NFATC1: variants seen among roughly 807,000 people sequenced by gnomAD.
NFATC1 encodes nuclear factor of activated T-cells, cytoplasmic 1.
In NFATC1, 22 loss-of-function variants were observed where a neutral mutation model predicts 76.0. The observed-to-expected ratio is 0.29, with a 90% CI of 0.21 to 0.41. NFATC1 has a LOEUF of 0.41. Among genes scored for constraint, NFATC1 ranks in the 10% least tolerant of loss-of-function variants. NFATC1 has a pLI of 1.00. For missense variants in NFATC1, 1,357 were observed against 1,337.7 expected, an observed-to-expected ratio of 1.01 and a Z score of -0.23; for synonymous variants, 704 against 613.1, an observed-to-expected ratio of 1.15 and a Z score of -2.19.
chr18:79,409,677 C>T (rs1452795886), intron 1 of NFATC1, among the ~76,000 whole-genome samples: 1 of 152,158 alleles, frequency 6.6e-6, no homozygotes, highest in Non-Finnish European at 1.5e-5. Flanking sequence ...AGTTTCTTTA[C>T]CTGTCTATCC....
intron 9 of NFATC1, among the ~76,000 whole-genome samples, chr18:79,501,782 G>A (rs1408467890): frequency 6.6e-6 from 1 of 152,060 alleles, no homozygotes; most frequent in Admixed American, 6.5e-5. Context: ...GCATTAAAAA[G>A]AATAAAATAT....
chr18:79,449,015 A>C (rs2278801), intron 4 of NFATC1, 31 bp downstream of exon 4: 1 of 1,604,314 alleles, frequency 6.2e-7, no homozygotes, highest in Non-Finnish European at 8.5e-7. Flanking sequence ...GGCCTCTGGC[A>C]GGGGGCGGTA....
intron 9 of NFATC1, chr18:79,497,483 G>A (rs989836023): frequency 1.3e-5 from 2 of 152,216 alleles, no homozygotes. Context: ...GACTGGTCAT[G>A]GAGCTCCTGG....
chr18:79,433,526 C>G, intron 2 of NFATC1, 53 bp from the exon 3 acceptor site: 1 of 1,608,866 alleles, frequency 6.2e-7, no homozygotes, highest in Admixed American at 1.7e-5. Flanking sequence ...CACGTGTGGC[C>G]CGGGCGAGGT....
intron 2 of NFATC1, among the ~76,000 whole-genome samples, chr18:79,427,712 TG>T (rs1160328014): frequency 4.9e-4 from 4 of 8,200 alleles, no homozygotes; most frequent in African/African-American, 2.3e-3. Flanking sequence ...TGGGTGGGGT[TG>T]GGGGGGTGCT....
At chr18:79,456,619 A>ACC (rs35846372) in intron 6 of NFATC1, among the ~76,000 whole-genome samples, 6,258 of 152,212 alleles carry the variant, frequency 0.041, 419 homozygotes, top group African/African-American at 0.14. Flanking sequence ...TGTAAGGCAG[A>ACC]CTAGTGGCAC....
At chr18:79,437,304 C>T (rs1005536694) in intron 3 of NFATC1, among the ~76,000 whole-genome samples, 1 of 152,224 alleles carries the variant, frequency 6.6e-6, no homozygotes, top group Non-Finnish European at 1.5e-5. Flanking sequence ...TTAGGACTCA[C>T]CTTGCCCTGG....
rs922268368 is a variant in NFATC1, at chr18:79,529,179, G to A, written c.*1602G>A. On this transcript the variant is annotated 3_prime_UTR_variant, in exon 10 of 10. Coordinates refer to ENST00000427363, the MANE Select transcript of NFATC1 (RefSeq NM_001278669.2). ...AGACGTGTGGCCGCGTCCCACCTGC[G>A]GCTGGGTACCCTGCACCCGGCACTG... is the stretch of plus-strand genomic sequence containing the variant. 6.6e-6 allele frequency: 1 copy of A among 152,234 alleles called. No individual in the cohort carries two copies. Among genetic ancestry groups the A allele is most frequent in the East Asian group, 1.9e-4 (1 of 5,202 alleles). The allele number at this position is 152,234 out of a possible 1,614,324, so 9.4% of individuals were successfully genotyped here.
chr18:79,442,375 G>A (rs1248135342), intron 3 of NFATC1, among the ~76,000 whole-genome samples: 1 of 152,250 alleles, frequency 6.6e-6, no homozygotes, highest in African/African-American at 2.4e-5. Context: ...GACAGCGCAC[G>A]TGCCATTCAC....
chr18:79,457,920 G>A (rs532877607), intron 6 of NFATC1, among the ~76,000 whole-genome samples: 6 of 152,200 alleles, frequency 3.9e-5, no homozygotes, highest in Admixed American at 2.6e-4. Flanking sequence ...GGCACAGGTC[G>A]GGACGTGGGG....
At position 79,463,781 on chromosome 18, in the gene NFATC1, C is replaced by T. The variant is rs181955906; in HGVS notation, c.1959+2415C>T. Among the ~76,000 whole-genome samples, 161 of 152,356 alleles carry T rather than the reference C, an allele frequency of 1.1e-3. 2 individuals carry two copies. The highest frequency in any genetic ancestry group is 0.011 in the Admixed American group (161 of 15,306). On this transcript the variant is annotated intron_variant, in intron 7 of 9. Coordinates refer to ENST00000427363, the MANE Select transcript of NFATC1 (RefSeq NM_001278669.2). ...TGCCTACCCTCCCTAGCCCTGGCTC[C>T]GTCGGGGTCTCCACAGGCTTCGCCA...
intron 8 of NFATC1, among the ~76,000 whole-genome samples, chr18:79,473,817 ACGT>A: frequency 7.0e-6 from 1 of 143,792 alleles, no homozygotes; most frequent in African/African-American, 2.7e-5. Flanking sequence ...CTCACTGTTG[ACGT>A]AAACCTGAGG....
intron 8 of NFATC1, chr18:79,470,499 A>G (rs1214762421): frequency 6.6e-6 from 1 of 152,208 alleles, no homozygotes; most frequent in African/African-American, 2.4e-5. Context: ...ATGTTTGTAA[A>G]GTCAAGTCTC....
intron 7 of NFATC1, among the ~76,000 whole-genome samples, chr18:79,462,550 C>G (rs185721313): frequency 1.3e-5 from 2 of 152,096 alleles, no homozygotes; most frequent in Non-Finnish European, 1.5e-5. Flanking sequence ...GTGATCCGCC[C>G]GCCTCGGCCT....
At chr18:79,401,545 C>T (rs1282589944) in intron 1 of NFATC1, among the ~76,000 whole-genome samples, 3 of 152,250 alleles carry the variant, frequency 2.0e-5, no homozygotes, top group African/African-American at 7.2e-5. Context: ...CCCTTCCCAC[C>T]CGGGCTGCCT....
chr18:79,493,452 C>A (rs1436870274), intron 9 of NFATC1: 2 of 152,276 alleles, frequency 1.3e-5, no homozygotes, highest in Admixed American at 6.5e-5. Context: ...CTCCCCGTGT[C>A]CCCTGGGCCG....
intron 9 of NFATC1, among the ~76,000 whole-genome samples, chr18:79,511,629 C>T (rs1179056478): frequency 6.6e-6 from 1 of 152,152 alleles, no homozygotes. Flanking sequence ...GGCTGTGCCT[C>T]CCGCCAGGAC....
chr18:79,471,567 C>T (rs1406482065), intron 8 of NFATC1, among the ~76,000 whole-genome samples: 1 of 152,214 alleles, frequency 6.6e-6, no homozygotes, highest in Non-Finnish European at 1.5e-5. Flanking sequence ...CGGAGCTCTT[C>T]CCCCATCAGT....
intron 8 of NFATC1, chr18:79,469,895 G>A (rs2088705705): frequency 1.0e-6 from 1 of 985,414 alleles, no homozygotes; most frequent in Non-Finnish European, 1.2e-6. Context: ...GCACCAGACT[G>A]TGAGCCCCTC....
Sources: gnomAD v4.1 joint callset for allele counts (sites outside exome capture counted in the v4.1 genomes callset) on GRCh38, gnomAD v4.1.1 for gene constraint, MANE v1.5 for transcripts, NCBI Gene and HGNC (gene_info 2026-07-23, HGNC 2026-07-21) for gene names.